ADCY8: variants seen among roughly 807,000 people sequenced by gnomAD.
ADCY8 encodes adenylate cyclase type 8.
In ADCY8, 51 loss-of-function variants were observed where a neutral mutation model predicts 119.7. That is an observed-to-expected ratio of 0.43 (90% CI 0.34 to 0.54). The LOEUF is 0.54. ADCY8 is among the 20% of genes least tolerant of loss of function. ADCY8 has a pLI of 0.03. For missense variants in ADCY8, 1,383 were observed against 1,598.8 expected (o/e 0.87, Z 2.30); for synonymous variants, 665 against 651.0 (o/e 1.02, Z -0.33).
chr8:130,959,639 G>A (rs539059626), intron 2 of ADCY8, among the ~76,000 whole-genome samples: 1 of 152,344 alleles, frequency 6.6e-6, no homozygotes, highest in South Asian at 2.1e-4. Flanking sequence ...GGTTCATCGA[G>A]AGTCCAGAGT....
At chr8:131,032,022 G>A (rs753329829) in intron 1 of ADCY8, among the ~76,000 whole-genome samples, 3 of 152,116 alleles carry the variant, frequency 2.0e-5, no homozygotes, top group African/African-American at 7.2e-5. Flanking sequence ...ATTCTGAAAC[G>A]GTTTACTCCA....
chr8:130,799,400 T>C (rs1815692020), intron 15 of ADCY8, among the ~76,000 whole-genome samples: 1 of 152,148 alleles, frequency 6.6e-6, no homozygotes, highest in African/African-American at 2.4e-5. Flanking sequence ...ACCATAAATA[T>C]ATACAATGGA....
intron 1 of ADCY8, among the ~76,000 whole-genome samples, chr8:130,992,496 C>T (rs1822628178): frequency 6.8e-6 from 1 of 146,060 alleles, no homozygotes; most frequent in South Asian, 2.2e-4. Flanking sequence ...CTCACTGCAA[C>T]CTCTGCCTCC....
intron 8 of ADCY8, among the ~76,000 whole-genome samples, chr8:130,871,332 G>A (rs976268): frequency 0.38 from 58,471 of 152,008 alleles, 11,862 homozygotes; most frequent in East Asian, 0.61. Context: ...TCAGTTGTGA[G>A]CATGAACTAA....
intron 2 of ADCY8, among the ~76,000 whole-genome samples, chr8:130,978,713 A>C (rs560610946): frequency 6.6e-6 from 1 of 152,320 alleles, no homozygotes; most frequent in African/African-American, 2.4e-5. Context: ...TTACAAAAAA[A>C]TTCTATTTAA....
chr8:131,032,049 G>A (rs1185394650), intron 1 of ADCY8, among the ~76,000 whole-genome samples: 1 of 152,172 alleles, frequency 6.6e-6, no homozygotes, highest in Non-Finnish European at 1.5e-5. Flanking sequence ...TGAAAAATCA[G>A]CTGACATAGA....
At chr8:130,928,714 G>A (rs141238608) in intron 5 of ADCY8, among the ~76,000 whole-genome samples, 1 of 152,132 alleles carries the variant, frequency 6.6e-6, no homozygotes, top group Non-Finnish European at 1.5e-5. Context: ...AATAAAATCA[G>A]GAATATTTTT....
chr8:130,995,985 C>G (rs1054656893), intron 1 of ADCY8, among the ~76,000 whole-genome samples: 2 of 151,990 alleles, frequency 1.3e-5, no homozygotes, highest in East Asian at 1.9e-4. Context: ...TTAATAAGTT[C>G]TAGATATTTG....
chr8:130,947,932 C>G (rs561519781), intron 3 of ADCY8, among the ~76,000 whole-genome samples: 6 of 152,152 alleles, frequency 3.9e-5, no homozygotes, highest in Non-Finnish European at 7.4e-5. Flanking sequence ...GGCACTGTTC[C>G]CAGCCCACTT....
At chr8:130,960,067 G>A (rs1020367330) in intron 2 of ADCY8, among the ~76,000 whole-genome samples, 1 of 152,188 alleles carries the variant, frequency 6.6e-6, no homozygotes, top group Admixed American at 6.5e-5. Context: ...AATGGTTAAT[G>A]TAATCATCCA....
chr8:131,019,843 G>GTCTC (rs71306306), intron 1 of ADCY8, among the ~76,000 whole-genome samples: 981 of 86,856 alleles, frequency 0.011, 10 homozygotes, highest in African/African-American at 0.02. Context: ...CTCTCTGTCT[G>GTCTC]TCTCTCTCTC....
At chr8:131,004,672 T>C (rs1184763681) in intron 1 of ADCY8, among the ~76,000 whole-genome samples, 2 of 152,184 alleles carry the variant, frequency 1.3e-5, no homozygotes, top group African/African-American at 4.8e-5. Context: ...CTCCTATAGG[T>C]CAAGCAGTGT....
intron 14 of ADCY8, 47 bp from the exon 15 acceptor site, chr8:130,800,619 G>T (rs774684569): frequency 2.4e-5 from 38 of 1,604,582 alleles, no homozygotes; most frequent in Non-Finnish European, 2.7e-5. Flanking sequence ...ATCAGAGGTC[G>T]GTTCTGCAGT....
intron 9 of ADCY8, among the ~76,000 whole-genome samples, chr8:130,866,283 T>C (rs182808825): frequency 6.6e-6 from 1 of 152,096 alleles, no homozygotes; most frequent in Admixed American, 6.5e-5. Context: ...CCTCTGCTAA[T>C]TAGGGGGAAG....
chr8:131,038,851 G>T (rs762543047), intron 1 of ADCY8, among the ~76,000 whole-genome samples: 5 of 152,126 alleles, frequency 3.3e-5, no homozygotes, highest in Non-Finnish European at 7.3e-5. Context: ...GACATAACAC[G>T]TACAGTACTC....
At chr8:130,975,927 T>C (rs536034772) in intron 2 of ADCY8, among the ~76,000 whole-genome samples, 3 of 152,308 alleles carry the variant, frequency 2.0e-5, no homozygotes, top group African/African-American at 7.2e-5. Flanking sequence ...TTTTATACTA[T>C]AGTAACTTCA....
intron 1 of ADCY8, among the ~76,000 whole-genome samples, chr8:130,994,795 T>C (rs1446419841): frequency 6.6e-6 from 1 of 152,198 alleles, no homozygotes; most frequent in African/African-American, 2.4e-5. Flanking sequence ...TGCTAAATAG[T>C]ACTTAATACA....
intron 8 of ADCY8, among the ~76,000 whole-genome samples, chr8:130,873,319 T>C (rs1818433904): frequency 6.6e-6 from 1 of 152,050 alleles, no homozygotes; most frequent in Non-Finnish European, 1.5e-5. Context: ...AACTGTACTC[T>C]GTCTTTTTTT....
chr8:130,941,822 T>A (rs1432739985), intron 4 of ADCY8, among the ~76,000 whole-genome samples: 1 of 152,210 alleles, frequency 6.6e-6, no homozygotes, highest in East Asian at 1.9e-4. Flanking sequence ...CAGAGTAACA[T>A]CTTTATGCTT....
Sources: allele counts gnomAD v4.1 joint callset (sites outside exome capture counted in the v4.1 genomes callset), GRCh38; gene constraint gnomAD v4.1.1; transcripts MANE v1.5; gene names NCBI Gene and HGNC (gene_info 2026-07-23, HGNC 2026-07-21).